KLHL3: variants seen among roughly 807,000 people sequenced by gnomAD.
KLHL3 encodes kelch-like protein 3.
Under a neutral mutation model 70.5 loss-of-function variants are expected in KLHL3, and 19 were observed. The ratio of observed to expected loss-of-function variants is 0.27; its 90% confidence interval spans 0.19 to 0.40. The LOEUF is 0.40. Among genes scored for constraint, KLHL3 ranks in the 10% least tolerant of loss-of-function variants. The pLI, the probability that KLHL3 is intolerant of heterozygous loss-of-function variation, is 1.00. For missense variants in KLHL3, 512 were observed against 771.1 expected (o/e 0.66, Z 3.98); for synonymous variants, 258 against 290.3 (o/e 0.89, Z 1.13).
chr5:137,690,324 C>T (rs1461780376), intron 5 of KLHL3, among the ~76,000 whole-genome samples: 6 of 54,332 alleles, frequency 1.1e-4, no homozygotes, highest in Non-Finnish European at 1.7e-4. Context: ...GAGACTCCAT[C>T]TCAAAAAAAA....
chr5:137,684,419 G>A (rs770993550), intron 5 of KLHL3, among the ~76,000 whole-genome samples: 6 of 152,066 alleles, frequency 3.9e-5, no homozygotes, highest in African/African-American at 9.7e-5. Context: ...AAATTTTTCT[G>A]CTGCCTTAAT....
chr5:137,689,858 A>C (rs1752273429), intron 5 of KLHL3, among the ~76,000 whole-genome samples: 1 of 152,250 alleles, frequency 6.6e-6, no homozygotes, highest in Non-Finnish European at 1.5e-5. Flanking sequence ...TATACTCCCC[A>C]AACCTCAGAC....
chr5:137,669,427 T>C (rs1281687892), intron 6 of KLHL3, among the ~76,000 whole-genome samples: 1 of 152,158 alleles, frequency 6.6e-6, no homozygotes, highest in Non-Finnish European at 1.5e-5. Context: ...GTATGTATGG[T>C]TCTCTTCCTA....
At chr5:137,728,230 C>G (rs1753115477) in intron 1 of KLHL3, among the ~76,000 whole-genome samples, 1 of 152,162 alleles carries the variant, frequency 6.6e-6, no homozygotes, top group Non-Finnish European at 1.5e-5. Context: ...AGTGCTGACT[C>G]CAGCACACTG....
chr5:137,661,368 A>AATT (rs1751470084), intron 7 of KLHL3: 2 of 152,180 alleles, frequency 1.3e-5, no homozygotes, highest in African/African-American at 4.8e-5. Flanking sequence ...CATAATTCTT[A>AATT]ATTTTTCTTT....
At chr5:137,725,641 G>A (rs1399747759) in intron 1 of KLHL3, among the ~76,000 whole-genome samples, 1 of 152,228 alleles carries the variant, frequency 6.6e-6, no homozygotes, top group Non-Finnish European at 1.5e-5. Flanking sequence ...GAAATATACA[G>A]AAATGATCAT....
At chr5:137,720,697 G>C in intron 1 of KLHL3, 113 bp from the exon 2 acceptor site, 2 of 1,548,024 alleles carry the variant, frequency 1.3e-6, no homozygotes, top group South Asian at 1.2e-5. Flanking sequence ...CTATCAGCCT[G>C]TTCTCACACA....
intron 1 of KLHL3, among the ~76,000 whole-genome samples, chr5:137,730,355 C>T (rs1753154449): frequency 6.6e-6 from 1 of 152,156 alleles, no homozygotes; most frequent in African/African-American, 2.4e-5. Flanking sequence ...GAAAAAAGAC[C>T]AAATCTCCTA....
chr5:137,627,483 C>CT (rs1043712262), intron 13 of KLHL3, among the ~76,000 whole-genome samples: 2 of 127,342 alleles, frequency 1.6e-5, no homozygotes, highest in Admixed American at 7.7e-5. Flanking sequence ...CACCACCCCC[C>CT]CCCCCGGTTT....
chr5:137,692,861 C>G (rs1278331793), intron 4 of KLHL3, among the ~76,000 whole-genome samples: 1 of 139,344 alleles, frequency 7.2e-6, no homozygotes, highest in Non-Finnish European at 1.6e-5. Context: ...CACAATGGTT[C>G]TCATACTGGG....
intron 2 of KLHL3, among the ~76,000 whole-genome samples, chr5:137,710,636 T>C (rs1752774408): frequency 6.6e-6 from 1 of 152,222 alleles, no homozygotes; most frequent in South Asian, 2.1e-4. Flanking sequence ...GGGATCTGAC[T>C]ACTTTAGAGA....
intron 14 of KLHL3, among the ~76,000 whole-genome samples, chr5:137,622,595 T>A (rs1247545899): frequency 6.6e-6 from 1 of 152,240 alleles, no homozygotes; most frequent in Non-Finnish European, 1.5e-5. Context: ...CATTCCTAGC[T>A]CTGCCACCAG....
At chr5:137,720,125 C>A (rs1197536385) in intron 2 of KLHL3, among the ~76,000 whole-genome samples, 1 of 152,038 alleles carries the variant, frequency 6.6e-6, no homozygotes, top group Non-Finnish European at 1.5e-5. Flanking sequence ...CATGGTGAAA[C>A]CCCGTCTCTA....
At chr5:137,641,520 A>G (rs1750914134) in intron 8 of KLHL3, among the ~76,000 whole-genome samples, 1 of 152,200 alleles carries the variant, frequency 6.6e-6, no homozygotes, top group Admixed American at 6.5e-5. Context: ...AACTTTTGCC[A>G]TTATGAATTA....
At chr5:137,648,964 A>C (rs556155352) in intron 8 of KLHL3, among the ~76,000 whole-genome samples, 6 of 152,338 alleles carry the variant, frequency 3.9e-5, no homozygotes, top group African/African-American at 1.4e-4. Flanking sequence ...ATATATGTCT[A>C]TCTTACTTTC....
At chr5:137,623,890 A>G (rs1750384883) in intron 14 of KLHL3, among the ~76,000 whole-genome samples, 1 of 152,208 alleles carries the variant, frequency 6.6e-6, no homozygotes, top group Non-Finnish European at 1.5e-5. Context: ...ATTCAAATTC[A>G]TATCTGACTC....
chr5:137,720,081 C>T (rs1752968544), intron 2 of KLHL3, among the ~76,000 whole-genome samples: 1 of 152,128 alleles, frequency 6.6e-6, no homozygotes, highest in African/African-American at 2.4e-5. Flanking sequence ...GCAGGCAGAT[C>T]ACAAGGTCAG....
intron 3 of KLHL3, among the ~76,000 whole-genome samples, 199 bp downstream of exon 3, chr5:137,709,551 G>A (rs1252245790): frequency 3.9e-5 from 6 of 152,220 alleles, no homozygotes; most frequent in Non-Finnish European, 5.9e-5. Context: ...TGGTGGACAA[G>A]GGCTACATGC....
rs895987497 is a variant in KLHL3 at position 137,733,008 on chromosome 5, T to C, written c.14+2625A>G. On this transcript the variant is annotated intron_variant, in intron 1 of 14. Transcript: ENST00000309755. ...GGTAGAAAGTATTTTCATACCCTCA[T>C]GGCAAAGAAAAAAAAAATTGTTCAT... Among the ~76,000 whole-genome samples, 7 of 152,214 alleles carry C rather than the reference T, an allele frequency of 4.6e-5. 1 individual carries two copies. Among genetic ancestry groups the C allele is most frequent in the Non-Finnish European group, 8.8e-5 (6 of 67,990 alleles).
Sources: gnomAD v4.1 joint callset for allele counts (sites outside exome capture counted in the v4.1 genomes callset) on GRCh38, gnomAD v4.1.1 for gene constraint, MANE v1.5 for transcripts, NCBI Gene and HGNC (gene_info 2026-07-23, HGNC 2026-07-21) for gene names.